STK33: variants seen among roughly 807,000 people sequenced by gnomAD.
STK33 encodes the protein serine/threonine kinase 33, also known as serine/threonine-protein kinase 33.
A neutral mutation model predicts 58.0 loss-of-function variants in STK33; 52 were observed. The observed-to-expected ratio is 0.90, with a 90% CI of 0.72 to 1.13. The LOEUF is 1.13. Among genes scored for constraint, STK33 ranks in the 50% most tolerant of loss-of-function variants. The pLI is 0.00. For missense variants in STK33, 630 were observed against 604.2 expected (o/e 1.04, Z -0.45); for synonymous variants, 215 against 200.1 (o/e 1.07, Z -0.63).
At chr11:8,526,093 A>G (rs1953996527) in intron 1 of STK33, among the ~76,000 whole-genome samples, 1 of 152,134 alleles carries the variant, frequency 6.6e-6, no homozygotes, top group Non-Finnish European at 1.5e-5. Context: ...ACTCGCATAC[A>G]CTACTACTTA....
At chr11:8,546,213 T>A (rs538918514) in intron 1 of STK33, among the ~76,000 whole-genome samples, 1 of 152,218 alleles carries the variant, frequency 6.6e-6, no homozygotes, top group East Asian at 1.9e-4. Flanking sequence ...TGCATACTAC[T>A]GTACACTGTG....
chr11:8,524,879 A>C, intron 1 of STK33, among the ~76,000 whole-genome samples: 1 of 151,934 alleles, frequency 6.6e-6, no homozygotes, highest in East Asian at 1.9e-4. Context: ...AAAGATGCCA[A>C]GAGGAAACTT....
intron 1 of STK33, among the ~76,000 whole-genome samples, chr11:8,512,477 G>T (rs1952416795): frequency 6.6e-6 from 1 of 152,098 alleles, no homozygotes; most frequent in African/African-American, 2.4e-5. Flanking sequence ...TCCATAAAGG[G>T]ATTTCACTTA....
the STK33 span, among the ~76,000 whole-genome samples, chr11:8,353,170 A>C: frequency 6.6e-6 from 1 of 152,316 alleles, no homozygotes; most frequent in South Asian, 2.1e-4. Flanking sequence ...TGGAACCAGA[A>C]GGGATGAGAG....
At chr11:8,342,211 G>A in the STK33 span, among the ~76,000 whole-genome samples, 7 of 152,292 alleles carry the variant, frequency 4.6e-5, no homozygotes, top group East Asian at 1.4e-3. Flanking sequence ...AAAACTCTGG[G>A]GGTCAGCAGA....
rs142100869 is a variant in STK33, at chr11:8,557,849, C to A, written c.-466+36234G>T. Among the ~76,000 whole-genome samples, 27 of 152,106 alleles carry A rather than the reference C, an allele frequency of 1.8e-4. No individual in the cohort carries two copies. The East Asian group carries it at 5.2e-3, about 29-fold the overall frequency. On this transcript the variant is annotated intron_variant, in intron 1 of 15. Transcript: ENST00000687296. ...ATCACATGCTGTTTATACCTATGTA[C>A]TTACTTCATGCCACAAACTTGGTGC...
intron 1 of STK33, chr11:8,593,816 G>A (rs2032996336): frequency 6.6e-6 from 1 of 152,356 alleles, no homozygotes; most frequent in Non-Finnish European, 1.5e-5. Context: ...AGACGGTGGA[G>A]ATGAACCGGG....
chr11:8,498,078 A>G (rs1247887329), intron 1 of STK33, among the ~76,000 whole-genome samples: 1 of 152,258 alleles, frequency 6.6e-6, no homozygotes, highest in African/African-American at 2.4e-5. Flanking sequence ...AATGTAGTAT[A>G]CTATATTAAT....
chr11:8,583,599 C>T (rs990342089), intron 1 of STK33, among the ~76,000 whole-genome samples: 1 of 151,956 alleles, frequency 6.6e-6, no homozygotes, highest in Admixed American at 6.6e-5. Flanking sequence ...GAAGTTAACC[C>T]CCCTATATGC....
At chr11:8,586,131 G>T (rs1565425827) in intron 1 of STK33, among the ~76,000 whole-genome samples, 1 of 151,248 alleles carries the variant, frequency 6.6e-6, no homozygotes, top group Non-Finnish European at 1.5e-5. Flanking sequence ...ATGGGAGGAT[G>T]GCTTGAGCCC....
chr11:8,404,656 CT>C (rs1024206669), intron 15 of STK33, among the ~76,000 whole-genome samples: 1 of 152,112 alleles, frequency 6.6e-6, no homozygotes, highest in Non-Finnish European at 1.5e-5. Flanking sequence ...TAACTCATTT[CT>C]TTTTTCTTGC....
intron 1 of STK33, among the ~76,000 whole-genome samples, chr11:8,482,062 C>T (rs561487724): frequency 2.6e-4 from 39 of 152,272 alleles, no homozygotes; most frequent in African/African-American, 8.9e-4. Context: ...TTCCAGGCTC[C>T]CCAGCCACGT....
chr11:8,501,435 T>C (rs980363265), intron 1 of STK33, among the ~76,000 whole-genome samples: 2 of 152,180 alleles, frequency 1.3e-5, no homozygotes, highest in African/African-American at 2.4e-5. Context: ...CATGAAAAGA[T>C]GTTCAGCATC....
In STK33 at chr11:8,496,102, A is replaced by G. The variant is rs190969166; in HGVS notation, c.-465-15488T>C. Among the ~76,000 whole-genome samples, 4 of 152,246 alleles carry G rather than the reference A, an allele frequency of 2.6e-5. No individual in the cohort carries two copies. In the East Asian group the frequency reaches 7.7e-4, roughly 29 times the overall value. The stretch of plus-strand genomic sequence containing the variant: ...CCCTAGAACTTAAAGTATAATAAAA[A>G]ATTTTTTTTGAAAAAGAAAAGAAAA... On this transcript the variant is annotated intron_variant, in intron 1 of 15. Coordinates refer to ENST00000687296, the MANE Select transcript of STK33 (RefSeq NM_001352389.2).
intron 1 of STK33, among the ~76,000 whole-genome samples, chr11:8,522,321 G>T (rs1953532761): frequency 1.3e-5 from 2 of 152,158 alleles, no homozygotes; most frequent in African/African-American, 4.8e-5. Flanking sequence ...CATGTCCTTT[G>T]CAGGGACATG....
chr11:8,531,847 C>T (rs942941291), intron 1 of STK33, among the ~76,000 whole-genome samples: 4 of 152,038 alleles, frequency 2.6e-5, no homozygotes, highest in East Asian at 1.9e-4. Context: ...GTTTTAAAAC[C>T]GCCACAGCAA....
chr11:8,363,529 C>A, the STK33 span, among the ~76,000 whole-genome samples: 1 of 152,126 alleles, frequency 6.6e-6, no homozygotes. Context: ...CTTTGAACTT[C>A]GTGTGACTGG....
intron 8 of STK33, among the ~76,000 whole-genome samples, chr11:8,460,444 A>G (rs1215922175): frequency 6.6e-6 from 1 of 152,126 alleles, no homozygotes; most frequent in African/African-American, 2.4e-5. Flanking sequence ...CACATACAAT[A>G]CTACACAGAG....
chr11:8,553,289 G>C (rs942297937), intron 1 of STK33, among the ~76,000 whole-genome samples: 1 of 140,014 alleles, frequency 7.1e-6, no homozygotes, highest in African/African-American at 2.6e-5. Flanking sequence ...ATATAAACCA[G>C]TAACATAATT....
Sources: gnomAD v4.1 joint callset for allele counts (sites outside exome capture counted in the v4.1 genomes callset) on GRCh38, gnomAD v4.1.1 for gene constraint, MANE v1.5 for transcripts, NCBI Gene and HGNC (gene_info 2026-07-23, HGNC 2026-07-21) for gene names.